PDPK1: variants seen among roughly 807,000 people sequenced by gnomAD.
PDPK1 encodes the protein 3-phosphoinositide-dependent protein kinase 1.
In PDPK1, 7 loss-of-function variants were observed where a neutral mutation model predicts 39.8. The observed-to-expected ratio is 0.18, with a 90% confidence interval of 0.10 to 0.33. The LOEUF (loss-of-function observed/expected upper bound fraction) is 0.33, where lower values mean the gene tolerates loss of function less well. PDPK1 is among the 10% of genes least tolerant of loss of function. PDPK1 has a pLI of 1.00. For synonymous variants in PDPK1, 118 were observed against 159.1 expected, an observed-to-expected ratio of 0.74 and a Z score of 1.95; for missense variants, 182 against 384.7, an observed-to-expected ratio of 0.47 and a Z score of 4.41.
rs1047571085 is a variant in PDPK1, at chr16:2,602,932, T to A, written c.*5165T>A. 1 of 232,494 alleles carries A rather than the reference T, an allele frequency of 4.3e-6. No homozygotes were observed. The highest frequency in any genetic ancestry group is 8.5e-6 in the Non-Finnish European group (1 of 117,436). 14.4% of individuals were successfully genotyped at this position (232,494 alleles called of 1,614,324 possible). A position where few individuals can be genotyped will look rare whatever the true frequency, so the allele number is the denominator to read the frequency against. ...AATATATGAATTATTTGAATTGAATTCATGTTCGGGGCCACGTTGTTGTAT... is the reference window on the plus strand; with the variant it reads ...AATATATGAATTATTTGAATTGAATACATGTTCGGGGCCACGTTGTTGTAT... On this transcript the variant is annotated 3_prime_UTR_variant, in exon 14 of 14. Transcript: ENST00000342085.
In PDPK1 at chr16:2,587,090, C is replaced by T. The variant is rs756373815; in HGVS notation, c.1343+197C>T. Among the ~76,000 whole-genome samples, 5 of 152,150 alleles carry T rather than the reference C, an allele frequency of 3.3e-5. No homozygotes were observed. In the East Asian group the frequency reaches 7.7e-4, roughly 23 times the overall value. ...GCCCAGGGGCTGAGTGGGTTGTGACCGCCGGGCGCTCCCCTCCTCTGCCGG... is the reference window on the plus strand; with the variant it reads ...GCCCAGGGGCTGAGTGGGTTGTGACTGCCGGGCGCTCCCCTCCTCTGCCGG... On this transcript the variant is annotated intron_variant, in intron 11 of 13. Transcript: ENST00000342085.
In PDPK1 at chr16:2,544,156, G is replaced by T. The variant is rs112154477; in HGVS notation, c.24+6020G>T. Among the ~76,000 whole-genome samples the T allele has an allele frequency of 3.9e-5, 6 of 152,298 alleles. 1 individual carries two copies. The highest frequency in any genetic ancestry group is 1.4e-4 in the African/African-American group (6 of 41,554). ...CACTGTTGGTTGAATCCATGCATGT[G>T]GAGTCAACCTATGGTTGGGGATGGC... On this transcript the variant is annotated intron_variant, in intron 1 of 13. Transcript: ENST00000342085.
intron 1 of PDPK1, among the ~76,000 whole-genome samples, chr16:2,540,854 A>C (rs918264981): frequency 1.3e-5 from 2 of 152,244 alleles, no homozygotes; most frequent in Non-Finnish European, 2.9e-5. Flanking sequence ...TTGGGGGACT[A>C]GGCAGAGTGG....
intron 1 of PDPK1, among the ~76,000 whole-genome samples, chr16:2,551,659 C>CTTTTTTTTTTTTTTTTT (rs1174322765): frequency 7.5e-6 from 1 of 132,944 alleles, no homozygotes. Flanking sequence ...TGATTTCCAT[C>CTTTTTTTTTTTTTTTTT]TTTTTTTTTT....
intron 11 of PDPK1, among the ~76,000 whole-genome samples, chr16:2,588,157 C>T (rs1005746874): frequency 8.5e-5 from 13 of 152,314 alleles, no homozygotes; most frequent in East Asian, 5.8e-4. Context: ...CGGCTCTATG[C>T]GGTTCGCCAC....
At position 2,598,120 on chromosome 16, in the gene PDPK1, C is replaced by A; in HGVS notation, c.*353C>A. On this transcript the variant is annotated 3_prime_UTR_variant, in exon 14 of 14. Transcript: ENST00000342085. Reference sequence around the variant, plus strand: ...GTCACCAGTTTTTCCTAGCATCAGTCCGAACCATGCGCCCGCCCTGCCCCA... The same window carrying A: ...GTCACCAGTTTTTCCTAGCATCAGTACGAACCATGCGCCCGCCCTGCCCCA... 2 of 321,498 alleles carry A rather than the reference C, an allele frequency of 6.2e-6. No individual in the cohort carries two copies. The highest frequency in any genetic ancestry group is 1.2e-5 in the Non-Finnish European group (2 of 173,032). The allele number at this position is 321,498 out of a possible 1,614,324, so 19.9% of individuals were successfully genotyped here.
chr16:2,595,512 C>G (rs1315629590), intron 11 of PDPK1, among the ~76,000 whole-genome samples: 2 of 152,232 alleles, frequency 1.3e-5, no homozygotes, highest in African/African-American at 4.8e-5. Flanking sequence ...CGGTCCTCCC[C>G]CACCTTTTCC....
In PDPK1 at chr16:2,593,624, C is replaced by T. The variant is rs904195947; in HGVS notation, c.1344-2169C>T. 2 of 160,286 alleles carry T rather than the reference C, an allele frequency of 1.2e-5. No homozygotes were observed. Among genetic ancestry groups the T allele is most frequent in the Non-Finnish European group, 2.7e-5 (2 of 73,178 alleles). The allele number at this position is 160,286 out of a possible 1,614,324, so 9.9% of individuals were successfully genotyped here. A position where few individuals can be genotyped will look rare whatever the true frequency, so the allele number is the denominator to read the frequency against. On this transcript the variant is annotated intron_variant, in intron 11 of 13. Coordinates refer to ENST00000342085, the MANE Select transcript of PDPK1 (RefSeq NM_002613.5). The surrounding 1 kb of genome is among the most constrained non-coding windows in gnomAD (Gnocchi z 4.2). ...GTGAAAGCTGAGGATGGGGAGAGGC[C>T]GTGGGGCCCTCTCCGTCCTCATCTG...
chr16:2,602,529 A>G lies in PDPK1; in HGVS notation c.*4762A>G, dbSNP rs1007289726. ...ACCTTTTTTAAGCTGTGTAACCCACATAGCCTAACCACCTGGCAGAATGAC... is the reference window on the plus strand; with the variant it reads ...ACCTTTTTTAAGCTGTGTAACCCACGTAGCCTAACCACCTGGCAGAATGAC... On this transcript the variant is annotated 3_prime_UTR_variant, in exon 14 of 14. Transcript: ENST00000342085. The G allele has an allele frequency of 2.6e-5, 6 of 234,854 alleles. No homozygotes were observed. The highest frequency in any genetic ancestry group is 6.0e-5 in the East Asian group (1 of 16,608). 14.5% of individuals were successfully genotyped at this position (234,854 alleles called of 1,614,324 possible).
At chr16:2,538,607 C>T (rs762818384) in intron 1 of PDPK1, 6 of 1,288,862 alleles carry the variant, frequency 4.7e-6, no homozygotes, top group Middle Eastern at 2.1e-4. Context: ...GCTCCTGGGC[C>T]CCCTTTTCCA....
intron 6 of PDPK1, among the ~76,000 whole-genome samples, chr16:2,573,805 T>TG (rs1458835771): frequency 8.3e-6 from 1 of 121,050 alleles, no homozygotes; most frequent in African/African-American, 3.9e-5. Flanking sequence ...TTATTTTTTT[T>TG]TTTTTTGAGA....
intron 1 of PDPK1, chr16:2,556,980 G>A (rs1462356802): frequency 4.8e-5 from 6 of 125,814 alleles, no homozygotes; most frequent in African/African-American, 1.6e-4. Flanking sequence ...CACCATCAGC[G>A]CGCCTGAGCT....
rs141708903 is a variant in PDPK1 at position 2,597,768 on chromosome 16, C to T, written c.*1C>T. Reference sequence around the variant, plus strand: ...CCACCCGGACGCCGCTGTGCAGTGACGTGGCCTGCGGCCGGGCTGCCCTTC... The same window carrying T: ...CCACCCGGACGCCGCTGTGCAGTGATGTGGCCTGCGGCCGGGCTGCCCTTC... On this transcript the variant is annotated 3_prime_UTR_variant, in exon 14 of 14. Coordinates refer to ENST00000342085, the MANE Select transcript of PDPK1 (RefSeq NM_002613.5). The surrounding 1 kb of genome is among the most constrained non-coding windows in gnomAD (Gnocchi z 6.3). 174 of 1,601,456 alleles carry T rather than the reference C, an allele frequency of 1.1e-4. No individual in the cohort carries two copies. In the African/African-American group the frequency reaches 2.0e-3, roughly 18 times the overall value.
At chr16:2,573,804 T>TA (rs1267117912) in intron 6 of PDPK1, among the ~76,000 whole-genome samples, 4 of 121,712 alleles carry the variant, frequency 3.3e-5, no homozygotes, top group African/African-American at 3.8e-5. Flanking sequence ...TTTATTTTTT[T>TA]TTTTTTTGAG....
chr16:2,577,369 A>AT (rs2066733822), intron 6 of PDPK1, 56 bp from the exon 7 acceptor site: 26 of 792,786 alleles, frequency 3.3e-5, no homozygotes, highest in Non-Finnish European at 5.5e-5. Flanking sequence ...CCCACCGCGC[A>AT]GCCCTTGATT....
intron 11 of PDPK1, chr16:2,592,759 C>T (rs1176906164): frequency 4.4e-6 from 2 of 455,012 alleles, no homozygotes; most frequent in Admixed American, 2.3e-5. Flanking sequence ...GAATCCGCTG[C>T]ACACACGCTG....
At position 2,598,351 on chromosome 16, in the gene PDPK1, T is replaced by C. The variant is rs984266478; in HGVS notation, c.*584T>C. On this transcript the variant is annotated 3_prime_UTR_variant, in exon 14 of 14. Coordinates refer to ENST00000342085, the MANE Select transcript of PDPK1 (RefSeq NM_002613.5). ...CTTAGGCCTGGCTGGGCCCATTACATATCCCTGTGGTGGCTCTGGTGGCAG... is the reference window on the plus strand; with the variant it reads ...CTTAGGCCTGGCTGGGCCCATTACACATCCCTGTGGTGGCTCTGGTGGCAG... 2.6e-5 allele frequency: 6 copies of C among 233,862 alleles called. No individual in the cohort carries two copies. Among genetic ancestry groups the C allele is most frequent in the Admixed American group, 5.6e-5 (1 of 17,792 alleles). The allele number at this position is 233,862 out of a possible 1,614,324, so 14.5% of individuals were successfully genotyped here.
At position 2,595,779 on chromosome 16, in the gene PDPK1, G is replaced by GT; in HGVS notation, c.1344-11dup. On this transcript the variant is annotated splice_polypyrimidine_tract_variant and intron_variant, in intron 11 of 13. Transcript: ENST00000342085. ...ATTGTCATGGGAGCATCTCTTTCTT[G>GT]TTTCTTTCCACAGGCACCAGTTTGT... 6.2e-7 allele frequency: 1 copy of GT among 1,604,442 alleles called. No homozygotes were observed.
intron 1 of PDPK1, among the ~76,000 whole-genome samples, chr16:2,547,306 C>T (rs1365591242): frequency 9.9e-5 from 14 of 141,218 alleles, no homozygotes; most frequent in Non-Finnish European, 1.8e-4. Context: ...TGACTCTGGA[C>T]GCCAGGCTGA....
Sources: allele counts gnomAD v4.1 joint callset (sites outside exome capture counted in the v4.1 genomes callset), GRCh38; gene constraint gnomAD v4.1.1; non-coding constraint Gnocchi (gnomAD v3.1); transcripts MANE v1.5; gene names NCBI Gene and HGNC (gene_info 2026-07-23, HGNC 2026-07-21).